Variants in NAV2 observed in about 807,000 individuals in gnomAD.
NAV2 encodes neuron navigator 2.
In NAV2, 54 loss-of-function variants were observed where a neutral mutation model predicts 223.2. The ratio of observed to expected loss-of-function variants is 0.24; its 90% CI spans 0.19 to 0.30. The LOEUF is 0.30. NAV2 is among the 10% of genes least tolerant of loss of function. The pLI is 1.00. For synonymous variants in NAV2, 1,279 were observed against 1,239.3 expected (o/e 1.03, Z -0.67); for missense variants, 2,806 against 3,147.5 (o/e 0.89, Z 2.60).
chr11:19,559,962 C>T (rs752735816), intron 1 of NAV2, among the ~76,000 whole-genome samples: 31 of 152,206 alleles, frequency 2.0e-4, no homozygotes, highest in Admixed American at 7.8e-4. Flanking sequence ...CCCGATTTCT[C>T]TAGCTGAGTC....
At chr11:19,438,912 G>A (rs1383998553) in intron 1 of NAV2, among the ~76,000 whole-genome samples, 1 of 151,596 alleles carries the variant, frequency 6.6e-6, no homozygotes, top group East Asian at 1.9e-4. Context: ...TTTTTGTAGA[G>A]GTTTCATTAA....
intron 6 of NAV2, among the ~76,000 whole-genome samples, chr11:19,907,775 G>A (rs2042993187): frequency 6.6e-6 from 1 of 152,186 alleles, no homozygotes; most frequent in Non-Finnish European, 1.5e-5. Context: ...AAGGATCAAA[G>A]GTCTTTTCTC....
chr11:19,889,491 G>A (rs2041307056), intron 5 of NAV2, among the ~76,000 whole-genome samples: 1 of 151,882 alleles, frequency 6.6e-6, no homozygotes, highest in Non-Finnish European at 1.5e-5. Flanking sequence ...GGGTGGACAG[G>A]AGCTGGCTTG....
intron 1 of NAV2, among the ~76,000 whole-genome samples, chr11:19,639,662 G>A (rs946002544): frequency 2.0e-4 from 30 of 152,318 alleles, no homozygotes; most frequent in African/African-American, 7.0e-4. Flanking sequence ...AGGGCTGTGA[G>A]TGGTCATCTA....
chr11:19,570,804 A>C (rs948888016), intron 1 of NAV2, among the ~76,000 whole-genome samples: 2 of 152,218 alleles, frequency 1.3e-5, no homozygotes, highest in Admixed American at 1.3e-4. Flanking sequence ...TTCTGAGGAC[A>C]TGGGGAAATT....
chr11:19,915,504 C>T (rs1210885029), intron 6 of NAV2, among the ~76,000 whole-genome samples: 3 of 152,224 alleles, frequency 2.0e-5, no homozygotes, highest in Non-Finnish European at 2.9e-5. Flanking sequence ...TATGTGTTTT[C>T]ATGCAAAGGC....
chr11:19,848,912 G>A (rs115998725), intron 3 of NAV2, among the ~76,000 whole-genome samples: 107 of 152,274 alleles, frequency 7.0e-4, no homozygotes, highest in African/African-American at 2.5e-3. Context: ...ACTGTGGTCA[G>A]TCTCGCTCAG....
intron 5 of NAV2, among the ~76,000 whole-genome samples, chr11:19,891,100 C>T (rs718919): frequency 6.6e-6 from 1 of 152,070 alleles, no homozygotes; most frequent in Non-Finnish European, 1.5e-5. Flanking sequence ...ATCTTTCTTG[C>T]CCAGCCAACA....
chr11:20,064,664 A>G (rs2058925625), intron 20 of NAV2, among the ~76,000 whole-genome samples: 1 of 152,204 alleles, frequency 6.6e-6, no homozygotes, highest in African/African-American at 2.4e-5. Context: ...ACTCTCCTTC[A>G]GTAGCTGTTG....
intron 1 of NAV2, among the ~76,000 whole-genome samples, chr11:19,766,736 T>C (rs2055262414): frequency 6.6e-6 from 1 of 152,174 alleles, no homozygotes; most frequent in South Asian, 2.1e-4. Context: ...TATAGGCCAC[T>C]TGGGAATGGC....
intron 22 of NAV2, among the ~76,000 whole-genome samples, chr11:20,077,170 C>T (rs915557092): frequency 6.6e-6 from 1 of 152,130 alleles, no homozygotes; most frequent in Non-Finnish European, 1.5e-5. Flanking sequence ...TATGATATCT[C>T]AAAGTGTATA....
chr11:20,073,303 T>A (rs574435495), intron 22 of NAV2, among the ~76,000 whole-genome samples: 1 of 152,310 alleles, frequency 6.6e-6, no homozygotes, highest in East Asian at 1.9e-4. Context: ...TCATGGTGGA[T>A]AAGCTTTTTG....
intron 22 of NAV2, 100 bp from the exon 23 acceptor site, chr11:20,077,452 A>C: frequency 1.2e-6 from 1 of 864,756 alleles, no homozygotes; most frequent in Non-Finnish European, 1.9e-6. Context: ...AGTAGCCTAG[A>C]TCAATGGACC....
intron 1 of NAV2, among the ~76,000 whole-genome samples, chr11:19,642,696 T>C (rs1490048693): frequency 6.6e-6 from 1 of 152,080 alleles, no homozygotes; most frequent in Non-Finnish European, 1.5e-5. Flanking sequence ...ATTCTCGAAA[T>C]AGTTTAGCTC....
At chr11:19,722,206 GAC>G (rs1357133249) in intron 1 of NAV2, among the ~76,000 whole-genome samples, 4 of 152,116 alleles carry the variant, frequency 2.6e-5, no homozygotes, top group African/African-American at 9.7e-5. Flanking sequence ...AATGGTTGCT[GAC>G]ATTTTCTGGA....
In NAV2 at chr11:20,045,150, TCCG is replaced by T. The variant is rs1256000016; in HGVS notation, c.3389_3391del (p.Ala1130del). On this transcript the variant is annotated inframe_deletion, in exon 14 of 38. Coordinates refer to ENST00000349880, the MANE Select transcript of NAV2 (RefSeq NM_145117.5). ...CTTTGGGTTCAAGAAGCAGAGTGGT[TCCG>T]CCGCCGGCCTGGCCATGATCACAGC... is the stretch of plus-strand genomic sequence containing the variant. 3.1e-6 allele frequency: 5 copies of T among 1,614,070 alleles called. No homozygotes were observed. The highest frequency in any genetic ancestry group is 4.2e-6 in the Non-Finnish European group (5 of 1,179,966).
intron 1 of NAV2, among the ~76,000 whole-genome samples, chr11:19,772,823 G>A (rs971404376): frequency 6.6e-6 from 1 of 152,194 alleles, no homozygotes; most frequent in East Asian, 1.9e-4. Flanking sequence ...CACCGTGTCT[G>A]AGCTTTTTCC....
chr11:19,422,600 TC>T (rs57028343), intron 1 of NAV2, among the ~76,000 whole-genome samples: 129,541 of 151,798 alleles, frequency 0.85, 56,214 homozygotes, highest in East Asian at 0.93. Context: ...AGGAGAGGCC[TC>T]TCTCTCTCTG....
intron 1 of NAV2, among the ~76,000 whole-genome samples, chr11:19,642,240 CAAGCCAGGGAG>C (rs1330499015): frequency 6.6e-6 from 1 of 152,212 alleles, no homozygotes; most frequent in African/African-American, 2.4e-5. Flanking sequence ...CACCCAGGCA[CAAGCCAGGGAG>C]GAGGCCATTG....
Sources: gnomAD v4.1 joint callset for allele counts (sites outside exome capture counted in the v4.1 genomes callset) on GRCh38, gnomAD v4.1.1 for gene constraint, MANE v1.5 for transcripts, NCBI Gene and HGNC (gene_info 2026-07-23, HGNC 2026-07-21) for gene names.